Variants in COL9A1 observed in about 807,000 individuals in gnomAD.
COL9A1 encodes collagen alpha-1(IX) chain.
Under a neutral mutation model 142.6 loss-of-function variants are expected in COL9A1, and 104 were observed. The observed-to-expected ratio is 0.73, with a 90% CI of 0.62 to 0.86. COL9A1 has a LOEUF of 0.86. COL9A1 is among the 40% of genes least tolerant of loss of function. COL9A1 has a pLI of 0.00. For missense variants in COL9A1, 1,210 were observed against 1,176.6 expected (o/e 1.03, Z -0.42); for synonymous variants, 466 against 396.0 (o/e 1.18, Z -2.10).
chr6:70,245,173 C>T (rs926463058), intron 28 of COL9A1, among the ~76,000 whole-genome samples: 20 of 152,204 alleles, frequency 1.3e-4, no homozygotes, highest in Admixed American at 4.6e-4. Flanking sequence ...GGTGTTGGGG[C>T]GAGTTTCTGA....
chr6:70,274,581 T>C (rs1583311511), intron 11 of COL9A1, 138 bp downstream of exon 11: 1 of 732,830 alleles, frequency 1.4e-6, no homozygotes, highest in Non-Finnish European at 2.4e-6. Context: ...CACATCATGG[T>C]GTTTTTAAAC....
chr6:70,259,552 C>T (rs563925802), intron 20 of COL9A1, among the ~76,000 whole-genome samples: 14 of 152,236 alleles, frequency 9.2e-5, no homozygotes, highest in African/African-American at 3.1e-4. Context: ...CTCAGCTAAA[C>T]ATAGCCTGTC....
intron 12 of COL9A1, among the ~76,000 whole-genome samples, chr6:70,272,808 G>A (rs1426551272): frequency 6.6e-6 from 1 of 152,090 alleles, no homozygotes; most frequent in Admixed American, 6.6e-5. Context: ...CTCCTAGCAC[G>A]GGGCCTAGCA....
At chr6:70,220,806 AAG>A in intron 37 of COL9A1, among the ~76,000 whole-genome samples, 1 of 152,302 alleles carries the variant, frequency 6.6e-6, no homozygotes, top group East Asian at 1.9e-4. Context: ...ACTCTTCAGA[AAG>A]AGAAAACATG....
chr6:70,274,026 T>C lies in COL9A1; in HGVS notation c.1065+21A>G, dbSNP rs148200206. On this transcript the variant is annotated intron_variant, in intron 12 of 37. Coordinates refer to ENST00000357250, the MANE Select transcript of COL9A1 (RefSeq NM_001851.6). ...CCTAAAGATAGGAAATTTTCAATTC[T>C]GTAGCTTTACATTTACTTACTGGAA... 14,446 of 1,493,232 alleles carry C rather than the reference T, an allele frequency of 9.7e-3. 79 individuals carry two copies. The highest frequency in any genetic ancestry group is 0.015 in the Middle Eastern group (83 of 5,634). The allele number at this position is 1,493,232 out of a possible 1,614,324, so 92.5% of individuals were successfully genotyped here. A position where few individuals can be genotyped will look rare whatever the true frequency, so the allele number is the denominator to read the frequency against.
chr6:70,302,022 C>A lies in COL9A1; in HGVS notation c.67G>T (p.Ala23Ser). ...TTACTGGGGCGACGCTTGACAGCTG[C>A]AGATGCCCAGGGTTCCAGGAAACTG... is the stretch of plus-strand genomic sequence containing the variant. ...VCSFLEPWAS[A>S]AVKRRPRFPV... Residue 23 changes from alanine (A) to serine (S), a missense_variant, in exon 2 of 38, where the codon GCA becomes TCA. Ala to Ser is a moderately conservative substitution (Grantham distance 99). Coordinates refer to ENST00000357250, the MANE Select transcript of COL9A1 (RefSeq NM_001851.6). The A allele has an allele frequency of 1.2e-6, 2 of 1,611,566 alleles. No individual in the cohort carries two copies.
intron 8 of COL9A1, 59 bp downstream of exon 8, chr6:70,281,331 G>C: frequency 6.5e-7 from 1 of 1,535,286 alleles, no homozygotes; most frequent in Admixed American, 1.8e-5. Context: ...GGAGCCCTGG[G>C]AAAAGAATAG....
At chr6:70,283,283 T>C in intron 6 of COL9A1, 2 of 1,404,492 alleles carry the variant, frequency 1.4e-6, no homozygotes, top group East Asian at 2.5e-5. Flanking sequence ...GGAGGACGGA[T>C]AGAATGACAA....
chr6:70,294,669 G>T, intron 4 of COL9A1, 106 bp from the exon 5 acceptor site: 1 of 1,085,542 alleles, frequency 9.2e-7, no homozygotes, highest in Non-Finnish European at 1.4e-6. Context: ...CTATAGAAAA[G>T]CTACAGTGTA....
In COL9A1 at chr6:70,282,887, C is replaced by T. The variant is rs200305129; in HGVS notation, c.801+11G>A. ...CTTGAAAAATGCAAACACTCCCTGCCCCCAACTTACCTCGTCGGTGGTCTG... is the reference window on the plus strand; with the variant it reads ...CTTGAAAAATGCAAACACTCCCTGCTCCCAACTTACCTCGTCGGTGGTCTG... On this transcript the variant is annotated intron_variant, in intron 7 of 37. Transcript: ENST00000357250. 26 of 1,614,186 alleles carry T rather than the reference C, an allele frequency of 1.6e-5. No homozygotes were observed. The South Asian group carries it at 1.8e-4, about 11-fold the overall frequency.
intron 4 of COL9A1, 48 bp downstream of exon 4, chr6:70,299,995 A>T (rs374397378): frequency 1.9e-6 from 3 of 1,542,254 alleles, no homozygotes; most frequent in Non-Finnish European, 2.7e-6. Context: ...ATCCATTTTT[A>T]ATGCATTTGA....
At chr6:70,238,453 A>C (rs1223996429) in intron 33 of COL9A1, among the ~76,000 whole-genome samples, 1 of 152,240 alleles carries the variant, frequency 6.6e-6, no homozygotes, top group African/African-American at 2.4e-5. Context: ...AAAAATGAAC[A>C]AGATCGTTTT....
intron 10 of COL9A1, among the ~76,000 whole-genome samples, chr6:70,276,613 AAC>A (rs1260289972): frequency 2.6e-5 from 4 of 152,216 alleles, no homozygotes; most frequent in African/African-American, 9.6e-5. Context: ...ATGTTACAGT[AAC>A]ACCTGTTATG....
At chr6:70,277,387 G>A (rs1224983445) in intron 10 of COL9A1, among the ~76,000 whole-genome samples, 3 of 151,052 alleles carry the variant, frequency 2.0e-5, no homozygotes, top group East Asian at 1.9e-4. Flanking sequence ...GCAGATTTGA[G>A]TTGAAATATA....
At chr6:70,242,884 G>T (rs1383430929) in intron 28 of COL9A1, among the ~76,000 whole-genome samples, 169 bp from the exon 29 acceptor site, 1 of 152,142 alleles carries the variant, frequency 6.6e-6, no homozygotes, top group Non-Finnish European at 1.5e-5. Flanking sequence ...TGAATGATTC[G>T]AATGCTGTTT....
intron 33 of COL9A1, among the ~76,000 whole-genome samples, chr6:70,235,959 C>A (rs1769881585): frequency 2.0e-5 from 3 of 150,918 alleles, no homozygotes; most frequent in Admixed American, 6.6e-5. Context: ...CTAAAAATAC[C>A]AAAAATTAGC....
intron 35 of COL9A1, among the ~76,000 whole-genome samples, chr6:70,233,410 A>G (rs996692682): frequency 6.6e-6 from 1 of 152,206 alleles, no homozygotes; most frequent in African/African-American, 2.4e-5. Flanking sequence ...TTAAAAATTA[A>G]TAACTGTGTG....
intron 7 of COL9A1, 135 bp from the exon 8 acceptor site, chr6:70,281,599 CA>C: frequency 1.6e-6 from 1 of 632,742 alleles, no homozygotes. Flanking sequence ...CAACCCAACG[CA>C]AAAATGTCTC....
intron 19 of COL9A1, 133 bp from the exon 20 acceptor site, chr6:70,260,843 T>C (rs1771634492): frequency 4.2e-6 from 3 of 720,712 alleles, no homozygotes; most frequent in East Asian, 2.9e-5. Context: ...TAACTATATA[T>C]ATATAGACAA....
Sources: gnomAD v4.1 joint callset for allele counts (sites outside exome capture counted in the v4.1 genomes callset) on GRCh38, gnomAD v4.1.1 for gene constraint, MANE v1.5 for transcripts, NCBI Gene and HGNC (gene_info 2026-07-23, HGNC 2026-07-21) for gene names.